Variants in P2RY12 observed in about 807,000 individuals in gnomAD.
P2RY12 encodes P2Y purinoceptor 12.
A neutral mutation model predicts 4.5 loss-of-function variants in P2RY12; 3 were observed. The observed-to-expected ratio is 0.67, with a 90% confidence interval of 0.31 to 1.74. The LOEUF is 1.74. Among genes scored for constraint, P2RY12 ranks in the 40% most tolerant of loss-of-function variants. P2RY12 has a pLI of 0.09. For synonymous variants in P2RY12, 148 were observed against 154.1 expected (o/e 0.96, Z 0.29); for missense variants, 356 against 407.8 (o/e 0.87, Z 1.09).
At chr3:151,372,304 T>G (rs1756282646) in intron 1 of P2RY12, among the ~76,000 whole-genome samples, 1 of 152,204 alleles carries the variant, frequency 6.6e-6, no homozygotes, top group Non-Finnish European at 1.5e-5. Context: ...ATAATGGCCT[T>G]TCCAAGTTTG....
At chr3:151,344,571 G>C (rs1430922130) in intron 1 of P2RY12, among the ~76,000 whole-genome samples, 1 of 152,118 alleles carries the variant, frequency 6.6e-6, no homozygotes, top group Non-Finnish European at 1.5e-5. Flanking sequence ...GCTTTTCTTA[G>C]AGACGTGATA....
intron 1 of P2RY12, among the ~76,000 whole-genome samples, chr3:151,350,935 G>A (rs1203155233): frequency 6.6e-6 from 1 of 152,038 alleles, no homozygotes; most frequent in African/African-American, 2.4e-5. Context: ...TATTTCATTA[G>A]GCAATCAAAT....
At chr3:151,340,221 C>T (rs568876379) in intron 2 of P2RY12, among the ~76,000 whole-genome samples, 2 of 152,204 alleles carry the variant, frequency 1.3e-5, no homozygotes, top group East Asian at 1.9e-4. Context: ...CATCCCTGAC[C>T]GTTTTGGAAA....
intron 2 of P2RY12, among the ~76,000 whole-genome samples, chr3:151,339,431 T>TA (rs3975402): frequency 0.04 from 5,840 of 145,814 alleles, 113 homozygotes; most frequent in East Asian, 0.06. Flanking sequence ...ACTGAATCAG[T>TA]AAAAAAAAAA....
In P2RY12 at chr3:151,382,872, G is replaced by C; in HGVS notation, c.-180+1820C>G. The C allele has an allele frequency of 4.5e-6, 3 of 659,610 alleles. No homozygotes were observed. The South Asian group carries it at 6.6e-5, about 15-fold the overall frequency. The allele number at this position is 659,610 out of a possible 1,614,324, so 40.9% of individuals were successfully genotyped here. A position where few individuals can be genotyped will look rare whatever the true frequency, so the allele number is the denominator to read the frequency against. On this transcript the variant is annotated intron_variant, in intron 1 of 2. Transcript: ENST00000302632. ...TGAGGCCTTCCACTCTTTGCTCTCT[G>C]TAATTACTTCCCTGTTTCTAAAGCC...
intron 1 of P2RY12, among the ~76,000 whole-genome samples, chr3:151,362,463 T>A (rs560606697): frequency 3.9e-5 from 6 of 152,222 alleles, no homozygotes; most frequent in African/African-American, 1.2e-4. Flanking sequence ...CTTGTGATAC[T>A]TGTCCTCAGT....
chr3:151,376,231 T>C (rs1450113973), intron 1 of P2RY12: 2 of 1,391,332 alleles, frequency 1.4e-6, no homozygotes, highest in Non-Finnish European at 1.9e-6. Flanking sequence ...CGTATACAGA[T>C]TGTGTTTCTG....
chr3:151,344,907 A>T (rs938366746), intron 1 of P2RY12, among the ~76,000 whole-genome samples: 1 of 152,208 alleles, frequency 6.6e-6, no homozygotes, highest in South Asian at 2.1e-4. Flanking sequence ...CATCTTTGTC[A>T]ACACATACAC....
At chr3:151,375,963 C>T (rs1351403265) in intron 1 of P2RY12, 11 of 638,140 alleles carry the variant, frequency 1.7e-5, no homozygotes, top group Non-Finnish European at 2.5e-5. Context: ...GGATTTAGTA[C>T]ATATTGCATA....
intron 1 of P2RY12, chr3:151,366,132 T>A: frequency 1.6e-6 from 1 of 643,938 alleles, no homozygotes; most frequent in Non-Finnish European, 2.3e-6. Context: ...CCAAAAGCAG[T>A]AAACCACAAT....
At chr3:151,382,813 C>T in intron 1 of P2RY12, 1 of 1,285,454 alleles carries the variant, frequency 7.8e-7, no homozygotes, top group Non-Finnish European at 1.1e-6. Flanking sequence ...TCCAGCTTTC[C>T]ACTTCTCCTA....
At chr3:151,366,156 A>T (rs1410869793) in intron 1 of P2RY12, among the ~76,000 whole-genome samples, 4 of 152,170 alleles carry the variant, frequency 2.6e-5, no homozygotes, top group African/African-American at 4.8e-5. Flanking sequence ...ATTGCCAGGG[A>T]TTAAATACAT....
intron 1 of P2RY12, chr3:151,382,637 G>GT (rs769187451): frequency 1.9e-6 from 3 of 1,591,492 alleles, no homozygotes; most frequent in Non-Finnish European, 2.6e-6. Context: ...TTAATGGGGA[G>GT]TTTTTTTCCG....
At chr3:151,356,522 CATTTT>C (rs1228312451) in intron 1 of P2RY12, among the ~76,000 whole-genome samples, 18 of 152,272 alleles carry the variant, frequency 1.2e-4, no homozygotes, top group East Asian at 3.9e-4. Context: ...CTTAAACTAA[CATTTT>C]ATTTAAAGTT....
chr3:151,346,186 T>C (rs1752514101), intron 1 of P2RY12, among the ~76,000 whole-genome samples: 2 of 152,212 alleles, frequency 1.3e-5, no homozygotes, highest in Non-Finnish European at 2.9e-5. Flanking sequence ...TTTCTTTTTT[T>C]CCCGATGGTC....
At chr3:151,361,969 T>C (rs763586827) in intron 1 of P2RY12, among the ~76,000 whole-genome samples, 3 of 152,112 alleles carry the variant, frequency 2.0e-5, no homozygotes, top group Non-Finnish European at 4.4e-5. Flanking sequence ...AGGAGAGTGG[T>C]AGAAGGTAAT....
At chr3:151,372,323 A>G (rs1304427207) in intron 1 of P2RY12, among the ~76,000 whole-genome samples, 5 of 152,212 alleles carry the variant, frequency 3.3e-5, no homozygotes, top group Non-Finnish European at 7.3e-5. Flanking sequence ...TGGTGAAACT[A>G]TAATTATACA....
intron 1 of P2RY12, among the ~76,000 whole-genome samples, chr3:151,348,968 A>C (rs911062291): frequency 6.6e-6 from 1 of 152,240 alleles, no homozygotes; most frequent in Non-Finnish European, 1.5e-5. Flanking sequence ...TTCTTTTCTC[A>C]TATAAGCTCC....
intron 1 of P2RY12, chr3:151,372,610 T>C: frequency 1.2e-6 from 2 of 1,613,930 alleles, no homozygotes; most frequent in Non-Finnish European, 1.7e-6. Context: ...CTTTAAAGAA[T>C]GATGACTTCA....
Sources: gnomAD v4.1 joint callset for allele counts (sites outside exome capture counted in the v4.1 genomes callset) on GRCh38, gnomAD v4.1.1 for gene constraint, MANE v1.5 for transcripts, NCBI Gene and HGNC (gene_info 2026-07-23, HGNC 2026-07-21) for gene names.